REEP1: variants seen among roughly 807,000 people sequenced by gnomAD.
REEP1 encodes the protein receptor accessory protein 1.
A neutral mutation model predicts 40.3 loss-of-function variants in REEP1; 22 were observed. The ratio of observed to expected loss-of-function variants is 0.55; its 90% CI spans 0.39 to 0.78. REEP1 has a LOEUF of 0.78. Ranked by LOEUF, REEP1 falls within the 30% of genes least tolerant of loss-of-function variation. REEP1 has a pLI of 0.00. For missense variants in REEP1, 280 were observed against 361.1 expected, an observed-to-expected ratio of 0.78 and a Z score of 1.82; for synonymous variants, 116 against 139.2, an observed-to-expected ratio of 0.83 and a Z score of 1.17.
At chr2:86,273,140 C>A (rs1458335634) in intron 2 of REEP1, among the ~76,000 whole-genome samples, 15 of 144,716 alleles carry the variant, frequency 1.0e-4, no homozygotes, top group African/African-American at 1.0e-4. Context: ...GACCCTGTCT[C>A]AAAAAAAAAA....
intron 1 of REEP1, among the ~76,000 whole-genome samples, chr2:86,314,175 G>T (rs1465296895): frequency 1.3e-5 from 2 of 152,176 alleles, no homozygotes; most frequent in African/African-American, 2.4e-5. Flanking sequence ...ACTTCACCAA[G>T]CCCCACAGTG....
chr2:86,214,332 C>T lies in REEP1; in HGVS notation c.*2707G>A, dbSNP rs1558859442. On this transcript the variant is annotated 3_prime_UTR_variant, in exon 9 of 9. Transcript: ENST00000538924. Reference sequence around the variant, plus strand: ...TATCACAAACACATGGATAGCTTATCACGGAGAACACATTTCAAAGGCCAG... The same window carrying T: ...TATCACAAACACATGGATAGCTTATTACGGAGAACACATTTCAAAGGCCAG... 2 of 152,640 alleles carry T rather than the reference C, an allele frequency of 1.3e-5. No individual in the cohort carries two copies. The highest frequency in any genetic ancestry group is 3.8e-4 in the East Asian group (2 of 5,206). 9.5% of individuals were successfully genotyped at this position (152,640 alleles called of 1,614,324 possible).
chr2:86,229,576 A>G, intron 6 of REEP1, among the ~76,000 whole-genome samples: 1 of 146,354 alleles, frequency 6.8e-6, no homozygotes, highest in African/African-American at 2.5e-5. Flanking sequence ...TCCACGCCCC[A>G]GGCCATCTTT....
intron 5 of REEP1, among the ~76,000 whole-genome samples, chr2:86,246,044 A>G (rs187382076): frequency 0.011 from 1,627 of 152,198 alleles, 27 homozygotes; most frequent in African/African-American, 0.036. Flanking sequence ...GATTACAGGC[A>G]TGAGCCATTG....
chr2:86,239,874 G>C (rs1675577845), intron 5 of REEP1: 1 of 152,326 alleles, frequency 6.6e-6, no homozygotes, highest in Non-Finnish European at 1.5e-5. Context: ...GCCCCACATG[G>C]ATTAACACAC....
chr2:86,240,904 G>A (rs1675633397), intron 5 of REEP1, among the ~76,000 whole-genome samples: 3 of 152,216 alleles, frequency 2.0e-5, no homozygotes, highest in African/African-American at 7.2e-5. Context: ...AGAGACAGCA[G>A]GCAAGAACAA....
chr2:86,287,000 A>G (rs1678431307), intron 1 of REEP1, among the ~76,000 whole-genome samples: 1 of 152,242 alleles, frequency 6.6e-6, no homozygotes, highest in Admixed American at 6.5e-5. Context: ...AAGAAATTGT[A>G]TGTCACACAA....
At chr2:86,329,120 TC>T (rs2104536649) in intron 1 of REEP1, among the ~76,000 whole-genome samples, 1 of 152,232 alleles carries the variant, frequency 6.6e-6, no homozygotes, top group Admixed American at 6.5e-5. Context: ...AAGATAATCT[TC>T]CCCTGGAGTG....
intron 2 of REEP1, 125 bp downstream of exon 2, chr2:86,282,045 T>C: frequency 1.3e-6 from 1 of 744,100 alleles, no homozygotes; most frequent in Non-Finnish European, 2.5e-6. Flanking sequence ...TCATGAGAAC[T>C]GTGATGAAGG....
chr2:86,225,992 C>T lies in REEP1; in HGVS notation c.631+1371G>A, dbSNP rs528973499. 1.1e-4 allele frequency among the ~76,000 whole-genome samples: 16 copies of T among 152,106 alleles called. 1 individual carries two copies. The highest frequency in any genetic ancestry group is 4.1e-4 in the South Asian group (2 of 4,824). On this transcript the variant is annotated intron_variant, in intron 7 of 8. Transcript: ENST00000538924. ...TGGCTCCAACAAGCCATCACTCACA[C>T]GCTGGGAGGGCAGCAACAGGAGTCT...
chr2:86,292,591 G>A (rs895092904), intron 1 of REEP1, among the ~76,000 whole-genome samples: 1 of 152,142 alleles, frequency 6.6e-6, no homozygotes, highest in Non-Finnish European at 1.5e-5. Context: ...CAGAGCCAGA[G>A]ACCTGACCCC....
intron 5 of REEP1, among the ~76,000 whole-genome samples, chr2:86,237,216 T>C (rs994967063): frequency 2.5e-5 from 3 of 122,386 alleles, no homozygotes; most frequent in Non-Finnish European, 6.2e-5. Context: ...AAGAACTGTT[T>C]GAGAAAGGAA....
At chr2:86,258,680 C>T (rs1467969515) in intron 3 of REEP1, among the ~76,000 whole-genome samples, 1 of 152,226 alleles carries the variant, frequency 6.6e-6, no homozygotes, top group African/African-American at 2.4e-5. Flanking sequence ...AACACAATCC[C>T]CGCCAAGTCT....
At chr2:86,263,182 G>A (rs1012566481) in intron 3 of REEP1, among the ~76,000 whole-genome samples, 1 of 152,174 alleles carries the variant, frequency 6.6e-6, no homozygotes, top group Non-Finnish European at 1.5e-5. Context: ...AAAAAAAGAA[G>A]TGTGTGTAAA....
At chr2:86,323,688 G>A (rs764231740) in intron 1 of REEP1, among the ~76,000 whole-genome samples, 3 of 152,182 alleles carry the variant, frequency 2.0e-5, no homozygotes, top group Non-Finnish European at 4.4e-5. Flanking sequence ...GTGCCAAAAA[G>A]GCTGGGGACC....
At chr2:86,298,877 T>C (rs1360648092) in intron 1 of REEP1, among the ~76,000 whole-genome samples, 1 of 152,076 alleles carries the variant, frequency 6.6e-6, no homozygotes, top group Non-Finnish European at 1.5e-5. Context: ...CAAGGCAGAG[T>C]GCTGACCGAG....
chr2:86,239,039 G>T (rs1437728238), intron 5 of REEP1, among the ~76,000 whole-genome samples: 1 of 151,834 alleles, frequency 6.6e-6, no homozygotes, highest in Non-Finnish European at 1.5e-5. Flanking sequence ...CTCTTCACTG[G>T]ACACTCTCTT....
chr2:86,323,851 G>A (rs1680385012), intron 1 of REEP1, among the ~76,000 whole-genome samples: 1 of 152,100 alleles, frequency 6.6e-6, no homozygotes. Flanking sequence ...CCAGAAACAG[G>A]CCTGCACATT....
chr2:86,224,173 C>T (rs1437173478), intron 7 of REEP1, among the ~76,000 whole-genome samples: 1 of 152,190 alleles, frequency 6.6e-6, no homozygotes, highest in Non-Finnish European at 1.5e-5. Context: ...GAATTTACAA[C>T]TCCTAGAAAA....
Sources: allele counts gnomAD v4.1 joint callset (sites outside exome capture counted in the v4.1 genomes callset), GRCh38; gene constraint gnomAD v4.1.1; transcripts MANE v1.5; gene names NCBI Gene and HGNC (gene_info 2026-07-23, HGNC 2026-07-21).